PDLIM2: variants seen among roughly 807,000 people sequenced by gnomAD.
The protein encoded by PDLIM2 is PDZ and LIM domain 2, also known as PDZ and LIM domain protein 2.
Under a neutral mutation model 54.1 loss-of-function variants are expected in PDLIM2, and 51 were observed. That is an observed-to-expected ratio of 0.94 (90% CI 0.75 to 1.19). The LOEUF is 1.19. Ranked by LOEUF, PDLIM2 falls within the 50% of genes most tolerant of loss-of-function variation. The pLI is 0.00. For missense variants in PDLIM2, 912 were observed against 874.0 expected (o/e 1.04, Z -0.55); for synonymous variants, 398 against 385.6 (o/e 1.03, Z -0.38).
chr8:22,596,734 TAG>T (rs1267376226), downstream of PDLIM2: 1 of 152,260 alleles, frequency 6.6e-6, no homozygotes, highest in Non-Finnish European at 1.5e-5. Context: ...GCTGCACAGC[TAG>T]ACAGTCATAA....
chr8:22,585,025 G>A (rs1218245795), exon 5 of PDLIM2: 1 of 1,613,914 alleles, frequency 6.2e-7, no homozygotes, highest in South Asian at 1.1e-5. Context: ...AGGGCTCCGT[G>A]AGGACATACA....
intron 5 of PDLIM2, 45 bp from the exon 5 acceptor site, chr8:22,585,276 G>A: frequency 6.2e-7 from 1 of 1,605,618 alleles, no homozygotes; most frequent in Non-Finnish European, 8.5e-7. Flanking sequence ...TCCCTGGGCA[G>A]GCTGGGGGTG....
At chr8:22,587,514 T>C (rs867007073) in intron 6 of PDLIM2, among the ~76,000 whole-genome samples, 47 of 150,704 alleles carry the variant, frequency 3.1e-4, no homozygotes, top group Admixed American at 7.3e-4. Context: ...TGCCCTGCCC[T>C]GCCCCACCCC....
chr8:22,592,493 C>T (rs910898438), intron 9 of PDLIM2: 1 of 152,200 alleles, frequency 6.6e-6, no homozygotes, highest in Admixed American at 6.5e-5. Flanking sequence ...GTGGGAGGGG[C>T]AGGTGATTGA....
At chr8:22,590,254 A>T (rs1800503640) in intron 8 of PDLIM2, 1 of 161,352 alleles carries the variant, frequency 6.2e-6, no homozygotes, top group Non-Finnish European at 1.4e-5. Context: ...GCCCTCGGGA[A>T]GGGAATCAGG....
At chr8:22,590,013 G>T (rs1800497050) in intron 8 of PDLIM2, 1 of 458,322 alleles carries the variant, frequency 2.2e-6, no homozygotes, top group African/African-American at 2.0e-5. Context: ...TAAAAGCGGT[G>T]GCAGGGCCTG....
At chr8:22,580,935 C>T in intron 2 of PDLIM2, 1 of 686,570 alleles carries the variant, frequency 1.5e-6, no homozygotes, top group South Asian at 1.5e-5. Flanking sequence ...GCTCTTGCCT[C>T]CCCAGTTGCT....
At chr8:22,581,712 G>A (rs945656075) in intron 3 of PDLIM2, among the ~76,000 whole-genome samples, 182 bp downstream of exon 2, 1 of 152,238 alleles carries the variant, frequency 6.6e-6, no homozygotes, top group South Asian at 2.1e-4. Flanking sequence ...GGGCTGAGGG[G>A]TGTTCCCATG....
chr8:22,591,564 C>G (rs963155277), exon 9 of PDLIM2: 1 of 1,613,580 alleles, frequency 6.2e-7, no homozygotes, highest in African/African-American at 1.3e-5. Context: ...GCACGCCAGC[C>G]TTCTTGCCCA....
At position 22,581,372 on chromosome 8, in the gene PDLIM2, C is replaced by T. The variant is rs954623300; in HGVS notation, c.844-7C>T. 3.8e-6 allele frequency: 6 copies of T among 1,594,072 alleles called. No individual in the cohort carries two copies. The South Asian group carries it at 6.8e-5, about 18-fold the overall frequency. On this transcript the variant is annotated splice_polypyrimidine_tract_variant and splice_region_variant and intron_variant, in intron 2 of 9. Coordinates refer to ENST00000308354, the Ensembl canonical transcript of PDLIM2. ...GGTCTGAGCATGCCAGCTCCTCATC[C>T]CTACAGGTGGCCGAGCGGGGCAAAG...
chr8:22,591,868 C>T (rs1800560206), intron 9 of PDLIM2, 200 bp downstream of exon 8: 3 of 499,658 alleles, frequency 6.0e-6, no homozygotes, highest in South Asian at 3.0e-5. Flanking sequence ...TAGCTGCTTC[C>T]GGCTGCATCT....
intron 6 of PDLIM2, among the ~76,000 whole-genome samples, chr8:22,586,564 C>G (rs1217583840): frequency 6.6e-6 from 1 of 151,972 alleles, no homozygotes; most frequent in Non-Finnish European, 1.5e-5. Flanking sequence ...TGGAGAAACA[C>G]TGGTCCGGGC....
At chr8:22,585,026 A>G in exon 5 of PDLIM2, 1 of 1,613,762 alleles carries the variant, frequency 6.2e-7, no homozygotes, top group East Asian at 2.2e-5. Context: ...GGGCTCCGTG[A>G]GGACATACAC....
At chr8:22,589,107 GGGGCCCGCT>G (rs1194670845) in intron 6 of PDLIM2, 182 bp from the exon 6 acceptor site, 14 of 503,278 alleles carry the variant, frequency 2.8e-5, no homozygotes, top group Non-Finnish European at 4.4e-5. Flanking sequence ...GAAGGGGCAG[GGGGCCCGCT>G]GGTCGGCGAG....
At chr8:22,596,318 A>T (rs1403949294), downstream of PDLIM2, 2 of 152,142 alleles carry the variant, frequency 1.3e-5, no homozygotes, top group African/African-American at 4.8e-5. Context: ...TCCAGCTCAA[A>T]TCCCCCTCTG....
chr8:22,594,769 A>C (rs1378246404), downstream of PDLIM2: 3 of 1,423,832 alleles, frequency 2.1e-6, no homozygotes, highest in Non-Finnish European at 2.8e-6. Context: ...TTGGTGATTG[A>C]TTTGGAGGGG....
exon 10 of PDLIM2, chr8:22,594,247 T>A (rs1307442609): frequency 7.2e-7 from 1 of 1,392,202 alleles, no homozygotes; most frequent in Non-Finnish European, 9.3e-7. Context: ...TGTCACTGTG[T>A]AAAGTTTTTG....
intron 2 of PDLIM2, chr8:22,580,916 A>C: frequency 1.4e-6 from 1 of 702,654 alleles, no homozygotes; most frequent in Non-Finnish European, 2.6e-6. Context: ...TGGGACCAGG[A>C]CAGGGCCGGC....
chr8:22,583,842 C>T (rs1254733951), intron 3 of PDLIM2, among the ~76,000 whole-genome samples: 2 of 99,744 alleles, frequency 2.0e-5, no homozygotes, highest in Non-Finnish European at 3.7e-5. Flanking sequence ...GTGACAAAGT[C>T]CAGGCAAAAT....
Sources: gnomAD v4.1 joint callset for allele counts (sites outside exome capture counted in the v4.1 genomes callset) on GRCh38, gnomAD v4.1.1 for gene constraint, MANE v1.5 for transcripts, NCBI Gene and HGNC (gene_info 2026-07-23, HGNC 2026-07-21) for gene names.